The following VPS35L variants were observed in gnomAD, a reference collection of about 807,000 sequenced individuals.
VPS35L encodes the protein VPS35 endosomal protein sorting factor like.
VPS35L carries 83 observed loss-of-function variants against 133.0 expected under a neutral mutation model. The observed-to-expected ratio is 0.62, with a 90% CI of 0.52 to 0.75. The LOEUF (loss-of-function observed/expected upper bound fraction) is 0.75. Ranked by LOEUF, VPS35L falls within the 30% of genes least tolerant of loss-of-function variation. The pLI, the probability that VPS35L is intolerant of heterozygous loss-of-function variation, is 0.00. For synonymous variants in VPS35L, 423 were observed against 449.9 expected, an observed-to-expected ratio of 0.94 and a Z score of 0.76; for missense variants, 1,083 against 1,206.8, an observed-to-expected ratio of 0.90 and a Z score of 1.52.
intron 15 of VPS35L, 44 bp from the exon 16 acceptor site, chr16:19,627,650 G>T: frequency 7.0e-7 from 1 of 1,431,998 alleles, no homozygotes; most frequent in South Asian, 1.1e-5. Context: ...AAGCAACTTT[G>T]ATTGAGGAGA....
intron 15 of VPS35L, 114 bp downstream of exon 15, chr16:19,626,337 G>A: frequency 1.2e-6 from 1 of 821,172 alleles, no homozygotes; most frequent in South Asian, 1.5e-5. Context: ...GGACTGCATG[G>A]AGGTTTAGAA....
intron 1 of VPS35L, among the ~76,000 whole-genome samples, chr16:19,564,544 G>A (rs988833435): frequency 1.3e-5 from 2 of 151,936 alleles, no homozygotes; most frequent in Admixed American, 6.6e-5. Flanking sequence ...GATTACAGGC[G>A]TGCGCCACCA....
intron 27 of VPS35L, among the ~76,000 whole-genome samples, chr16:19,674,500 G>T (rs114461275): frequency 0.062 from 9,379 of 151,940 alleles, 832 homozygotes; most frequent in African/African-American, 0.2. Flanking sequence ...GAGCCTCTGC[G>T]TGCAGCCTAC....
intron 8 of VPS35L, among the ~76,000 whole-genome samples, chr16:19,595,919 G>C (rs1972200228): frequency 6.6e-6 from 1 of 152,188 alleles, no homozygotes; most frequent in Non-Finnish European, 1.5e-5. Context: ...ACCAAGGTGG[G>C]TGGACCACAA....
At chr16:19,585,812 C>T (rs186343086) in intron 7 of VPS35L, among the ~76,000 whole-genome samples, 108 of 152,224 alleles carry the variant, frequency 7.1e-4, no homozygotes, top group Middle Eastern at 6.8e-3. Flanking sequence ...TCTTTGTACA[C>T]GCTTATTGGC....
chr16:19,668,894 C>G (rs956067916), intron 26 of VPS35L, among the ~76,000 whole-genome samples: 1 of 152,214 alleles, frequency 6.6e-6, no homozygotes, highest in Admixed American at 6.5e-5. Flanking sequence ...CATTTCTAGA[C>G]TTTTTACAAA....
chr16:19,559,797 G>A (rs948073775), intron 1 of VPS35L, among the ~76,000 whole-genome samples: 7 of 151,574 alleles, frequency 4.6e-5, no homozygotes, highest in African/African-American at 7.3e-5. Flanking sequence ...AGCAATTCTC[G>A]TGCTTCAGCC....
intron 11 of VPS35L, among the ~76,000 whole-genome samples, chr16:19,609,953 T>A (rs985857827): frequency 1.3e-5 from 2 of 152,192 alleles, no homozygotes; most frequent in African/African-American, 4.8e-5. Flanking sequence ...ACAGTAAATC[T>A]GTGGCAAACG....
chr16:19,555,734 C>A lies in VPS35L; in HGVS notation c.5C>A (p.Ala2Asp). M[A>D]VFPWHSRNRN... ...AGCGGTCATGTGACTGGGAAGATGG[C>A]CGTCTTTCCTTGGTAAGGAAGCAGC... The change falls in exon 1 of 31, where the codon GCC (alanine) becomes GAC (aspartate). Residue 2 changes from alanine (A) to aspartate (D), a missense_variant. Physicochemically the swap from Ala to Asp is moderately radical, Grantham distance 126. Coordinates refer to ENST00000417362, the MANE Select transcript of VPS35L (RefSeq NM_020314.7). The A allele has an allele frequency of 6.3e-7, 1 of 1,588,118 alleles. No homozygotes were observed. The highest frequency in any genetic ancestry group is 8.6e-7 in the Non-Finnish European group (1 of 1,167,546).
intron 23 of VPS35L, among the ~76,000 whole-genome samples, chr16:19,645,771 G>C (rs1973926749): frequency 6.6e-6 from 1 of 152,200 alleles, no homozygotes; most frequent in Non-Finnish European, 1.5e-5. Context: ...ACACCTGGGT[G>C]ACCTGAGTCA....
intron 3 of VPS35L, among the ~76,000 whole-genome samples, chr16:19,570,870 TATATATATATATATA>T (rs1971351965): frequency 1.2e-5 from 1 of 85,372 alleles, no homozygotes; most frequent in African/African-American, 6.0e-5. Flanking sequence ...TATATATATA[TATATATATATATATA>T]TATATTTTTG....
intron 14 of VPS35L, chr16:19,617,086 G>A: frequency 1.7e-6 from 1 of 605,484 alleles, no homozygotes; most frequent in Non-Finnish European, 2.9e-6. Context: ...GTGGCTGGGT[G>A]TGCTCATATC....
intron 23 of VPS35L, among the ~76,000 whole-genome samples, chr16:19,647,384 AAG>A (rs1973983099): frequency 1.3e-5 from 2 of 152,200 alleles, no homozygotes; most frequent in Admixed American, 1.3e-4. Context: ...GAAATAGGAG[AAG>A]AGAGGATGTT....
chr16:19,591,918 GT>G (rs777045713), intron 8 of VPS35L, 44 bp downstream of exon 8: 7 of 1,446,768 alleles, frequency 4.8e-6, no homozygotes, highest in Non-Finnish European at 5.8e-6. Context: ...AAATGTGTTC[GT>G]TTTGTCAAGA....
At position 19,661,234 on chromosome 16, in the gene VPS35L, G is replaced by T. The variant is rs114042899; in HGVS notation, c.2222-7926G>T. Among the ~76,000 whole-genome samples, 816 of 151,042 alleles carry T rather than the reference G, an allele frequency of 5.4e-3. 6 individuals are homozygous for T. Among genetic ancestry groups the T allele is most frequent in the African/African-American group, 0.019 (772 of 41,208 alleles). On this transcript the variant is annotated intron_variant, in intron 26 of 30. Transcript: ENST00000417362. ...GTATTCTGTTTCTTCTTTTTTTTTGGAAGTGCTACAAATTATTTCTTCAAA... is the reference window on the plus strand; with the variant it reads ...GTATTCTGTTTCTTCTTTTTTTTTGTAAGTGCTACAAATTATTTCTTCAAA...
rs191822623 is a variant in VPS35L, at chr16:19,616,716, G to T, written c.1132G>T (p.Val378Leu). 1.2e-6 allele frequency: 2 copies of T among 1,614,056 alleles called. No individual in the cohort carries two copies. The change falls in exon 14 of 31, where the codon GTG (valine) becomes TTG (leucine). Residue 378 changes from valine (V) to leucine (L), a missense_variant. Val to Leu is a conservative substitution (Grantham distance 32). Coordinates refer to ENST00000417362, the MANE Select transcript of VPS35L (RefSeq NM_020314.7). ...TGGGGATACGGTCCAGAACCAGCTG[G>T]TGGTCCAAGGAGTGGAGCTCCCATC... ...IHGDTVQNQL[V>L]VQGVELPSYL...
intron 7 of VPS35L, among the ~76,000 whole-genome samples, chr16:19,582,723 T>C (rs1971748084): frequency 6.6e-6 from 1 of 152,228 alleles, no homozygotes; most frequent in African/African-American, 2.4e-5. Context: ...TATTGTAGTT[T>C]AGAACTGTGT....
chr16:19,672,345 A>G (rs1250344406), intron 27 of VPS35L, among the ~76,000 whole-genome samples: 2 of 152,176 alleles, frequency 1.3e-5, no homozygotes, highest in Non-Finnish European at 2.9e-5. Flanking sequence ...TGAGCCATAA[A>G]AGTGCCTGAG....
At chr16:19,656,969 T>TG (rs1046413168) in intron 26 of VPS35L, among the ~76,000 whole-genome samples, 61 of 147,834 alleles carry the variant, frequency 4.1e-4, no homozygotes, top group African/African-American at 1.5e-3. Flanking sequence ...CTTGTTTTTT[T>TG]TTTTTTTTTT....
Sources: allele counts gnomAD v4.1 joint callset (sites outside exome capture counted in the v4.1 genomes callset), GRCh38; gene constraint gnomAD v4.1.1; transcripts MANE v1.5; gene names NCBI Gene and HGNC (gene_info 2026-07-23, HGNC 2026-07-21).